Variants in TGFBR3 observed in about 807,000 individuals in gnomAD.
The protein encoded by TGFBR3 is transforming growth factor beta receptor type 3.
In TGFBR3, 46 loss-of-function variants were observed where a neutral mutation model predicts 87.9. The ratio of observed to expected loss-of-function variants is 0.52; its 90% CI spans 0.41 to 0.67. The LOEUF (loss-of-function observed/expected upper bound fraction) is 0.67. TGFBR3 is among the 30% of genes least tolerant of loss of function. The probability of loss-of-function intolerance (pLI) is 0.00; values close to 1 mark genes in which losing one functional copy is unlikely to be tolerated. For synonymous variants in TGFBR3, 381 were observed against 391.6 expected (o/e 0.97, Z 0.32); for missense variants, 866 against 1,041.9 (o/e 0.83, Z 2.32).
At chr1:91,844,182 TGAGTTCCTACAACTTA>T (rs1677392976) in intron 2 of TGFBR3, among the ~76,000 whole-genome samples, 1 of 152,248 alleles carries the variant, frequency 6.6e-6, no homozygotes, top group Non-Finnish European at 1.5e-5. Context: ...CACTGAGCTT[TGAGTTCCTACAACTTA>T]GAGCAAAGGC....
chr1:91,727,270 T>A (rs1278289556), intron 7 of TGFBR3, among the ~76,000 whole-genome samples: 1 of 152,260 alleles, frequency 6.6e-6, no homozygotes, highest in African/African-American at 2.4e-5. Flanking sequence ...AAAGCTGATA[T>A]TCGGTACTAT....
rs755788608 is a variant in TGFBR3, at chr1:91,712,276, C to T, written c.2133G>A (p.Thr711=). 3.0e-5 allele frequency: 48 copies of T among 1,614,076 alleles called. No homozygotes were observed. Among genetic ancestry groups the T allele is most frequent in the Non-Finnish European group, 3.2e-5 (38 of 1,180,044 alleles). Residue 711 remains threonine (T), a synonymous_variant, in exon 13 of 17, where the codon ACG becomes ACA. Transcript: ENST00000212355. ...LFLQCELTLC[T]KMEKHPQKLP... The stretch of plus-strand genomic sequence containing the variant: ...ACTTCTGGGGGTGCTTCTCCATCTT[C>T]GTACACAGCGTCAGCTCACACTGTA...
chr1:91,881,473 C>G (rs572738001), intron 1 of TGFBR3, among the ~76,000 whole-genome samples: 1 of 152,300 alleles, frequency 6.6e-6, no homozygotes, highest in African/African-American at 2.4e-5. Context: ...CCCCAGTCAT[C>G]AGAGCACTGA....
chr1:91,693,392 T>G (rs148215173), intron 16 of TGFBR3, among the ~76,000 whole-genome samples: 1 of 152,316 alleles, frequency 6.6e-6, no homozygotes, highest in Non-Finnish European at 1.5e-5. Flanking sequence ...CTTACAAACC[T>G]ATTTCTACAT....
At chr1:91,776,623 T>C (rs983984069) in intron 3 of TGFBR3, among the ~76,000 whole-genome samples, 4 of 152,184 alleles carry the variant, frequency 2.6e-5, no homozygotes, top group African/African-American at 4.8e-5. Context: ...GAAAGAAGCC[T>C]ACCAGCGTTT....
chr1:91,712,447 G>A lies in TGFBR3; in HGVS notation c.1962C>T (p.Thr654=). 6.2e-7 allele frequency: 1 copy of A among 1,613,772 alleles called. No homozygotes were observed. The highest frequency in any genetic ancestry group is 1.1e-5 in the South Asian group (1 of 91,080). Residue 654 remains threonine (T), a synonymous_variant, in exon 13 of 17, where the codon ACC becomes ACT. Transcript: ENST00000212355. The part of the protein sequence containing the change: ...YSNPDRMSHY[T]IIENICPKDE... ...CTTTAGGACAAATATTCTCAATAAT[G>A]GTGTAATGAGACATCCTATCAGGGT... is the stretch of plus-strand genomic sequence containing the variant.
At chr1:91,758,828 C>CT (rs1673846170) in intron 3 of TGFBR3, 78 bp from the exon 4 acceptor site, 10 of 1,583,054 alleles carry the variant, frequency 6.3e-6, no homozygotes, top group Non-Finnish European at 8.7e-6. Context: ...CTCTGGAATA[C>CT]TTTTTTTGCA....
upstream of TGFBR3, among the ~76,000 whole-genome samples, chr1:91,886,662 A>G (rs1001817291): frequency 5.3e-5 from 8 of 152,104 alleles, no homozygotes; most frequent in African/African-American, 1.9e-4. Context: ...GAGCTCCCCC[A>G]TGCACACATT....
At chr1:91,756,683 T>C (rs1673757867) in intron 4 of TGFBR3, among the ~76,000 whole-genome samples, 1 of 152,216 alleles carries the variant, frequency 6.6e-6, no homozygotes, top group Non-Finnish European at 1.5e-5. Flanking sequence ...CAGAAAAGGC[T>C]ACAATAAAGT....
At chr1:91,771,826 C>T (rs1674388579) in intron 3 of TGFBR3, among the ~76,000 whole-genome samples, 1 of 151,900 alleles carries the variant, frequency 6.6e-6, no homozygotes, top group African/African-American at 2.4e-5. Context: ...GAAAGGACTT[C>T]AAATGTGAGT....
At chr1:91,807,344 G>A (rs71650467) in intron 2 of TGFBR3, among the ~76,000 whole-genome samples, 1 of 152,116 alleles carries the variant, frequency 6.6e-6, no homozygotes, top group East Asian at 1.9e-4. Flanking sequence ...ACAACTCTTA[G>A]GCATATCTTA....
chr1:91,816,232 G>A (rs973161562), intron 2 of TGFBR3, among the ~76,000 whole-genome samples: 18 of 152,004 alleles, frequency 1.2e-4, no homozygotes, highest in African/African-American at 3.9e-4. Context: ...AGAAAAAAAC[G>A]AAAAGAAAAC....
chr1:91,782,565 ATTG>A (rs1386948349), intron 3 of TGFBR3, among the ~76,000 whole-genome samples: 3 of 152,150 alleles, frequency 2.0e-5, no homozygotes, highest in African/African-American at 7.2e-5. Context: ...TGTGGAAAGG[ATTG>A]TTTTTACCTT....
intron 2 of TGFBR3, among the ~76,000 whole-genome samples, chr1:91,820,555 G>A (rs1225250174): frequency 1.3e-5 from 2 of 152,006 alleles, no homozygotes; most frequent in Non-Finnish European, 2.9e-5. Flanking sequence ...GCGGGGTGGC[G>A]GGCACCTGTA....
intron 3 of TGFBR3, among the ~76,000 whole-genome samples, chr1:91,789,970 C>A (rs531578839): frequency 6.6e-6 from 1 of 152,254 alleles, no homozygotes; most frequent in East Asian, 1.9e-4. Flanking sequence ...TCAGGCCCTC[C>A]AATCCTATGT....
At chr1:91,753,318 A>C (rs2100878112) in intron 4 of TGFBR3, among the ~76,000 whole-genome samples, 2 of 141,872 alleles carry the variant, frequency 1.4e-5, no homozygotes, top group African/African-American at 5.3e-5. Context: ...TGAGCCCAGA[A>C]GGTTGAGGCT....
intron 2 of TGFBR3, among the ~76,000 whole-genome samples, chr1:91,891,965 A>T (rs1272650227): frequency 6.6e-6 from 1 of 152,328 alleles, no homozygotes; most frequent in South Asian, 2.1e-4. Context: ...ATGAGAAAAA[A>T]TACAATCAGA....
intron 2 of TGFBR3, among the ~76,000 whole-genome samples, chr1:91,846,743 C>T (rs72969195): frequency 0.023 from 3,552 of 152,116 alleles, 161 homozygotes; most frequent in African/African-American, 0.081. Flanking sequence ...AAATAAATCT[C>T]ATCTCAAAAT....
chr1:91,734,861 T>C lies in TGFBR3; in HGVS notation c.483A>G (p.Leu161=), dbSNP rs750026425. 1.9e-6 allele frequency: 3 copies of C among 1,614,128 alleles called. No individual in the cohort carries two copies. The highest frequency in any genetic ancestry group is 2.5e-6 in the Non-Finnish European group (3 of 1,180,030). ...CTCCATACTCTTTTCGGGCCCAATT[T>C]AACAGATGTTCATTTCCATGGGGGA... The part of the protein sequence containing the change: ...RNFPHGNEHL[L]NWARKEYGAV... Residue 161 remains leucine, a synonymous_variant, in exon 5 of 17, where the codon TTA becomes TTG. Transcript: ENST00000212355.
Sources: gnomAD v4.1 joint callset for allele counts (sites outside exome capture counted in the v4.1 genomes callset) on GRCh38, gnomAD v4.1.1 for gene constraint, MANE v1.5 for transcripts, NCBI Gene and HGNC (gene_info 2026-07-23, HGNC 2026-07-21) for gene names.